Variants in SPIN1 observed in about 807,000 individuals in gnomAD.
The protein encoded by SPIN1 is spindlin-1.
A neutral mutation model predicts 26.0 loss-of-function variants in SPIN1; 3 were observed. That is an observed-to-expected ratio of 0.12 (90% confidence interval 0.05 to 0.30). The LOEUF (loss-of-function observed/expected upper bound fraction) is 0.30, where lower values mean the gene tolerates loss of function less well. SPIN1 is among the 10% of genes least tolerant of loss of function. The pLI is 1.00. For missense variants in SPIN1, 126 were observed against 333.4 expected (o/e 0.38, Z 4.84); for synonymous variants, 101 against 116.5 (o/e 0.87, Z 0.86).
At chr9:88,394,253 G>A (rs1047772400) in intron 1 of SPIN1, among the ~76,000 whole-genome samples, 3 of 152,154 alleles carry the variant, frequency 2.0e-5, no homozygotes, top group South Asian at 2.1e-4. Flanking sequence ...GACATGACAC[G>A]TAATCTCTGA....
intron 2 of SPIN1, among the ~76,000 whole-genome samples, chr9:88,447,658 G>A (rs116831270): frequency 1.4e-3 from 220 of 152,314 alleles, no homozygotes; most frequent in African/African-American, 4.9e-3. Flanking sequence ...AAAGACTTAA[G>A]ACATCCTCCC....
At chr9:88,389,785 C>T (rs1344368182) in intron 1 of SPIN1, among the ~76,000 whole-genome samples, 2 of 152,118 alleles carry the variant, frequency 1.3e-5, no homozygotes, top group South Asian at 2.1e-4. Flanking sequence ...ACAGTAATTG[C>T]TTTCTACATC....
At chr9:88,406,786 G>C (rs568988465) in intron 1 of SPIN1, among the ~76,000 whole-genome samples, 2 of 151,938 alleles carry the variant, frequency 1.3e-5, no homozygotes, top group South Asian at 2.1e-4. Context: ...TTGTTCTGCT[G>C]TTCTAACTTG....
At chr9:88,442,025 C>T (rs1326221704) in intron 2 of SPIN1, among the ~76,000 whole-genome samples, 1 of 147,658 alleles carries the variant, frequency 6.8e-6, no homozygotes, top group South Asian at 2.1e-4. Flanking sequence ...GATGTCGGCT[C>T]ACTGCAACCT....
chr9:88,451,783 A>G (rs1283269866), intron 3 of SPIN1, among the ~76,000 whole-genome samples: 1 of 152,118 alleles, frequency 6.6e-6, no homozygotes, highest in Non-Finnish European at 1.5e-5. Context: ...CTGGTCTCGA[A>G]CTCCTGACTT....
At chr9:88,395,386 T>G (rs1016003199) in intron 1 of SPIN1, among the ~76,000 whole-genome samples, 1 of 152,032 alleles carries the variant, frequency 6.6e-6, no homozygotes. Context: ...TTTACTTAAT[T>G]TATTCTGGAG....
intron 1 of SPIN1, among the ~76,000 whole-genome samples, chr9:88,406,023 G>C (rs984247410): frequency 3.3e-5 from 5 of 150,502 alleles, no homozygotes. Flanking sequence ...GTGTGTGTGT[G>C]TGTGTGTGTG....
chr9:88,460,227 ATTC>A lies in SPIN1; in HGVS notation c.102-2266_102-2264del, dbSNP rs1374972896. Among the ~76,000 whole-genome samples the A allele has an allele frequency of 2.7e-3, 406 of 152,066 alleles. 8 individuals are homozygous for A. Among genetic ancestry groups the A allele is most frequent in the East Asian group, 1.2e-3 (6 of 5,156 alleles). ...TTGGAATATTTGTTACCATCTCTTA[ATTC>A]TTTTTACTTTTGTCCCCGTCTGTCC... On this transcript the variant is annotated intron_variant, in intron 3 of 5. Coordinates refer to ENST00000375859, the MANE Select transcript of SPIN1 (RefSeq NM_006717.3).
chr9:88,393,993 G>A lies in SPIN1; in HGVS notation c.-159+5455G>A, dbSNP rs374391842. The stretch of plus-strand genomic sequence containing the variant: ...CTCCCAAGCAGCTGGGATTACAGGC[G>A]TGCACCACCATGCCTGGCAAATTTT... On this transcript the variant is annotated intron_variant, in intron 1 of 5. Transcript: ENST00000375859. Among the ~76,000 whole-genome samples, 403 of 152,112 alleles carry A rather than the reference G, an allele frequency of 2.6e-3. 2 individuals carry two copies. The highest frequency in any genetic ancestry group is 0.014 in the Middle Eastern group (4 of 294).
Position 88,475,396 on chromosome 9 carries a change from C to G in SPIN1, c.*119C>G. ...AAATGTCCCTGCGAACCCACAATCTCTGCCAGCAGAACTGGTTTTGTTCTG... is the reference window on the plus strand; with the variant it reads ...AAATGTCCCTGCGAACCCACAATCTGTGCCAGCAGAACTGGTTTTGTTCTG... On this transcript the variant is annotated 3_prime_UTR_variant, in exon 6 of 6. Coordinates refer to ENST00000375859, the MANE Select transcript of SPIN1 (RefSeq NM_006717.3). 1 of 1,031,010 alleles carries G rather than the reference C, an allele frequency of 9.7e-7. No individual in the cohort carries two copies. The highest frequency in any genetic ancestry group is 1.4e-6 in the Non-Finnish European group (1 of 706,958). The allele number at this position is 1,031,010 out of a possible 1,614,324, so 63.9% of individuals were successfully genotyped here.
chr9:88,443,709 G>T (rs1828186187), intron 2 of SPIN1, among the ~76,000 whole-genome samples: 1 of 152,168 alleles, frequency 6.6e-6, no homozygotes, highest in Admixed American at 6.5e-5. Context: ...CGTATGCCGG[G>T]GAGGAGAAGC....
intron 1 of SPIN1, among the ~76,000 whole-genome samples, chr9:88,393,445 GTTTTTTTTTTTT>G (rs57244433): frequency 5.5e-4 from 49 of 88,432 alleles, no homozygotes; most frequent in African/African-American, 8.9e-4. Flanking sequence ...TTGCTTTTGG[GTTTTTTTTTTTT>G]TTTTTTTTTT....
At chr9:88,468,815 C>T (rs2118216961) in intron 5 of SPIN1, among the ~76,000 whole-genome samples, 1 of 152,232 alleles carries the variant, frequency 6.6e-6, no homozygotes, top group Non-Finnish European at 1.5e-5. Flanking sequence ...TGCTTGGCTT[C>T]TGTAATAAGA....
chr9:88,440,458 A>G (rs1258432612), intron 2 of SPIN1, among the ~76,000 whole-genome samples: 1 of 151,948 alleles, frequency 6.6e-6, no homozygotes, highest in Admixed American at 6.6e-5. Context: ...GTGCCCAGCC[A>G]GTTAAGTTTT....
At chr9:88,466,625 A>G (rs1828674633) in intron 4 of SPIN1, among the ~76,000 whole-genome samples, 1 of 152,206 alleles carries the variant, frequency 6.6e-6, no homozygotes, top group Non-Finnish European at 1.5e-5. Context: ...TTGCTGATAA[A>G]ATTAAATAGC....
chr9:88,423,726 A>ATTT (rs201525377), intron 1 of SPIN1, among the ~76,000 whole-genome samples: 1 of 129,644 alleles, frequency 7.7e-6, no homozygotes, highest in African/African-American at 2.9e-5. Flanking sequence ...TACATCATGT[A>ATTT]TTTTTTTTTT....
intron 1 of SPIN1, among the ~76,000 whole-genome samples, chr9:88,407,261 C>T (rs767612449): frequency 7.2e-5 from 11 of 152,080 alleles, no homozygotes; most frequent in African/African-American, 1.2e-4. Flanking sequence ...CTCAGCCTCC[C>T]GAATAGCTGG....
In SPIN1 at chr9:88,413,365, C is replaced by T. The variant is rs1416874692; in HGVS notation, c.-158-13017C>T. Among the ~76,000 whole-genome samples the T allele has an allele frequency of 2.7e-5, 4 of 149,968 alleles. No individual in the cohort carries two copies. In the East Asian group the frequency reaches 8.0e-4, roughly 30 times the overall value. On this transcript the variant is annotated intron_variant, in intron 1 of 5. Transcript: ENST00000375859. Reference sequence around the variant, plus strand: ...TTGGGATTACAGGTGTGAGCCACTTCCCTGGCCAAGGTGTTTTTGTTCTGT... The same window carrying T: ...TTGGGATTACAGGTGTGAGCCACTTTCCTGGCCAAGGTGTTTTTGTTCTGT...
chr9:88,413,318 A>G (rs569601931), intron 1 of SPIN1, among the ~76,000 whole-genome samples: 1 of 150,484 alleles, frequency 6.6e-6, no homozygotes, highest in Non-Finnish European at 1.5e-5. Flanking sequence ...TTGGCCTCCT[A>G]AAGTGTTGGC....
Sources: gnomAD v4.1 joint callset for allele counts (sites outside exome capture counted in the v4.1 genomes callset) on GRCh38, gnomAD v4.1.1 for gene constraint, MANE v1.5 for transcripts, NCBI Gene and HGNC (gene_info 2026-07-23, HGNC 2026-07-21) for gene names.